Variants in FBXL7 observed in about 807,000 individuals in gnomAD.
The protein encoded by FBXL7 is F-box/LRR-repeat protein 7.
A neutral mutation model predicts 38.3 loss-of-function variants in FBXL7; 12 were observed. That is an observed-to-expected ratio of 0.31 (90% CI 0.20 to 0.51). The LOEUF (loss-of-function observed/expected upper bound fraction) is 0.51, where lower values mean the gene tolerates loss of function less well. Ranked by LOEUF, FBXL7 falls within the 20% of genes least tolerant of loss-of-function variation. The pLI, the probability that FBXL7 is intolerant of heterozygous loss-of-function variation, is 0.98. For missense variants in FBXL7, 567 were observed against 676.4 expected (o/e 0.84, Z 1.79); for synonymous variants, 297 against 300.9 (o/e 0.99, Z 0.13).
chr5:15,645,943 C>G (rs1274727517), intron 2 of FBXL7, among the ~76,000 whole-genome samples: 2 of 152,118 alleles, frequency 1.3e-5, no homozygotes, highest in Admixed American at 6.5e-5. Context: ...CAATCATGTG[C>G]GGCCAGTTGC....
intron 2 of FBXL7, among the ~76,000 whole-genome samples, chr5:15,696,117 T>C (rs1442224235): frequency 6.6e-6 from 1 of 152,238 alleles, no homozygotes; most frequent in Non-Finnish European, 1.5e-5. Flanking sequence ...TGAATACATC[T>C]GGCCGAAAGC....
intron 2 of FBXL7, among the ~76,000 whole-genome samples, chr5:15,646,637 C>G (rs570336319): frequency 6.6e-6 from 1 of 152,194 alleles, no homozygotes. Flanking sequence ...TGTTTAAACA[C>G]TACACTGTTG....
intron 2 of FBXL7, among the ~76,000 whole-genome samples, chr5:15,763,705 A>G (rs1238969568): frequency 6.6e-6 from 1 of 152,190 alleles, no homozygotes; most frequent in Non-Finnish European, 1.5e-5. Context: ...TTGAGTTGAA[A>G]ACAAAATGCG....
rs547375177 is a variant in FBXL7, at chr5:15,797,393, T to A, written c.128-130497T>A. 2.0e-5 allele frequency among the ~76,000 whole-genome samples: 3 copies of A among 152,364 alleles called. No homozygotes were observed. The South Asian group carries it at 6.2e-4, about 32-fold the overall frequency. On this transcript the variant is annotated intron_variant, in intron 2 of 3. Transcript: ENST00000504595. ...TTTCTGCCTGTGGTTTGAAAGTGCT[T>A]GGCTTCAGAACTGGGCTAGAACATA...
intron 1 of FBXL7, among the ~76,000 whole-genome samples, chr5:15,614,305 T>C (rs961883775): frequency 4.0e-5 from 6 of 151,528 alleles, no homozygotes; most frequent in Non-Finnish European, 8.8e-5. Context: ...GCTCTCACTC[T>C]GTTGCCCAGG....
chr5:15,795,215 C>T (rs1283446099), intron 2 of FBXL7, among the ~76,000 whole-genome samples: 3 of 152,164 alleles, frequency 2.0e-5, no homozygotes, highest in African/African-American at 7.2e-5. Flanking sequence ...ATGGCTCTTA[C>T]TTGAGAGAAT....
At chr5:15,633,556 C>T (rs958946264) in intron 2 of FBXL7, among the ~76,000 whole-genome samples, 2 of 151,554 alleles carry the variant, frequency 1.3e-5, no homozygotes, top group Non-Finnish European at 2.9e-5. Context: ...ATATACATTT[C>T]CAAACTGAAG....
chr5:15,507,546 T>C (rs79137595), intron 1 of FBXL7, among the ~76,000 whole-genome samples: 1,767 of 152,342 alleles, frequency 0.012, 38 homozygotes, highest in African/African-American at 0.041. Context: ...GCTGCTTAGA[T>C]AACTTTGCCT....
intron 2 of FBXL7, among the ~76,000 whole-genome samples, chr5:15,873,132 C>G (rs1740040169): frequency 6.6e-6 from 1 of 152,164 alleles, no homozygotes; most frequent in Admixed American, 6.5e-5. Flanking sequence ...GAAACTCACT[C>G]AAAACTGCAC....
intron 1 of FBXL7, among the ~76,000 whole-genome samples, chr5:15,510,068 G>A (rs1736751497): frequency 6.6e-6 from 1 of 152,346 alleles, no homozygotes; most frequent in African/African-American, 2.4e-5. Context: ...CTATTAGGTT[G>A]TGAATTACAT....
intron 2 of FBXL7, among the ~76,000 whole-genome samples, chr5:15,714,848 C>CAAAAAAA (rs35229749): frequency 2.6e-5 from 2 of 76,666 alleles, no homozygotes; most frequent in Admixed American, 1.6e-4. Context: ...GAGTCCGTCT[C>CAAAAAAA]AAAAAAAAAA....
At chr5:15,646,609 C>G (rs1177055905) in intron 2 of FBXL7, among the ~76,000 whole-genome samples, 2 of 152,312 alleles carry the variant, frequency 1.3e-5, no homozygotes, top group Non-Finnish European at 2.9e-5. Flanking sequence ...TGTTTTGGAG[C>G]TTTGGAATTG....
intron 2 of FBXL7, among the ~76,000 whole-genome samples, chr5:15,742,242 G>T (rs990684863): frequency 2.6e-5 from 4 of 152,122 alleles, no homozygotes; most frequent in African/African-American, 9.7e-5. Context: ...TGGTGGGGGA[G>T]AATAATATAT....
At chr5:15,913,676 C>G (rs1455155744) in intron 2 of FBXL7, among the ~76,000 whole-genome samples, 1 of 152,136 alleles carries the variant, frequency 6.6e-6, no homozygotes, top group Non-Finnish European at 1.5e-5. Context: ...AATTATCTGA[C>G]AATTGAATAT....
intron 2 of FBXL7, among the ~76,000 whole-genome samples, chr5:15,769,285 A>C (rs1367176376): frequency 6.6e-6 from 1 of 152,204 alleles, no homozygotes; most frequent in Non-Finnish European, 1.5e-5. Context: ...TTATTTGAGC[A>C]TACAACTTGA....
intron 2 of FBXL7, among the ~76,000 whole-genome samples, chr5:15,874,993 ACG>A (rs1561166706): frequency 6.6e-5 from 10 of 152,344 alleles, no homozygotes; most frequent in Non-Finnish European, 1.5e-4. Flanking sequence ...TGGAGGCATC[ACG>A]CTACCTGACT....
In FBXL7 at chr5:15,937,111, C is replaced by T. The variant is rs890516127; in HGVS notation, c.1401C>T (p.Ser467=). The part of the protein sequence containing the change: ...QTLNVQDCEV[S]VEALRFVKRH... ...TGAATGTCCAGGACTGCGAGGTCTC[C>T]GTGGAGGCCCTGCGCTTTGTCAAAC... The change falls in exon 4 of 4, where the codon TCC becomes TCT. Residue 467 remains serine, a synonymous_variant. Transcript: ENST00000504595. The T allele has an allele frequency of 5.0e-6, 8 of 1,613,512 alleles. No individual in the cohort carries two copies. The highest frequency in any genetic ancestry group is 2.7e-5 in the African/African-American group (2 of 74,938).
rs192154679 is a variant in FBXL7, at chr5:15,648,880, T to G, written c.127+32808T>G. 1.7e-3 allele frequency among the ~76,000 whole-genome samples: 264 copies of G among 151,120 alleles called. 2 individuals are homozygous for G. The highest frequency in any genetic ancestry group is 5.9e-3 in the African/African-American group (240 of 40,958). On this transcript the variant is annotated intron_variant, in intron 2 of 3. Transcript: ENST00000504595. ...CAGACTGTGCTCTTCGGTGTCCTAGTCAAGTCAATTTCAACTTTTTTTTTT... is the reference window on the plus strand; with the variant it reads ...CAGACTGTGCTCTTCGGTGTCCTAGGCAAGTCAATTTCAACTTTTTTTTTT...
intron 2 of FBXL7, among the ~76,000 whole-genome samples, chr5:15,789,794 A>G (rs747032566): frequency 3.3e-5 from 5 of 152,198 alleles, no homozygotes; most frequent in African/African-American, 4.8e-5. Flanking sequence ...TGGGAGGCAG[A>G]GTGGACCAGG....
Sources: gnomAD v4.1 joint callset for allele counts (sites outside exome capture counted in the v4.1 genomes callset) on GRCh38, gnomAD v4.1.1 for gene constraint, MANE v1.5 for transcripts, NCBI Gene and HGNC (gene_info 2026-07-23, HGNC 2026-07-21) for gene names.